Variants in CNTNAP5 observed in about 807,000 individuals in gnomAD.
CNTNAP5 encodes contactin associated protein family member 5, also known as contactin-associated protein-like 5.
Under a neutral mutation model 150.2 loss-of-function variants are expected in CNTNAP5, and 72 were observed. The ratio of observed to expected loss-of-function variants is 0.48; its 90% CI spans 0.40 to 0.58. The LOEUF is 0.58. Among genes scored for constraint, CNTNAP5 ranks in the 20% least tolerant of loss-of-function variants. The pLI is 0.00. For missense variants in CNTNAP5, 1,636 were observed against 1,626.2 expected (o/e 1.01, Z -0.10); for synonymous variants, 672 against 619.8 (o/e 1.08, Z -1.25).
chr2:124,114,869 A>T (rs1683387871), intron 1 of CNTNAP5, among the ~76,000 whole-genome samples: 1 of 151,558 alleles, frequency 6.6e-6, no homozygotes, highest in Middle Eastern at 4.2e-3. Context: ...GATTTTTCAA[A>T]TGCTTTTTCT....
At chr2:124,251,963 G>A (rs909412479) in intron 3 of CNTNAP5, among the ~76,000 whole-genome samples, 1 of 152,180 alleles carries the variant, frequency 6.6e-6, no homozygotes, top group African/African-American at 2.4e-5. Flanking sequence ...TCAGCTGACT[G>A]GGTGTGGCAC....
intron 1 of CNTNAP5, among the ~76,000 whole-genome samples, chr2:124,159,878 G>A (rs918714175): frequency 1.7e-4 from 26 of 152,072 alleles, no homozygotes; most frequent in Non-Finnish European, 1.3e-4. Context: ...TAAAGGACTC[G>A]AGGGATAAAT....
chr2:124,419,513 A>C (rs1692027555), intron 4 of CNTNAP5, among the ~76,000 whole-genome samples: 1 of 152,216 alleles, frequency 6.6e-6, no homozygotes. Flanking sequence ...GAGAAGGTTC[A>C]GAGGTCTGCT....
At chr2:124,585,632 T>G (rs1267658438) in intron 11 of CNTNAP5, among the ~76,000 whole-genome samples, 1 of 151,074 alleles carries the variant, frequency 6.6e-6, no homozygotes, top group Non-Finnish European at 1.5e-5. Context: ...ACAACTTCAT[T>G]CTGGCTTAGG....
intron 1 of CNTNAP5, among the ~76,000 whole-genome samples, chr2:124,204,477 G>T (rs1685812494): frequency 6.6e-6 from 1 of 152,192 alleles, no homozygotes; most frequent in Middle Eastern, 3.4e-3. Flanking sequence ...TCATTCTGGG[G>T]TATCTTTATA....
intron 21 of CNTNAP5, among the ~76,000 whole-genome samples, chr2:124,890,897 G>A (rs902040726): frequency 2.6e-5 from 4 of 152,048 alleles, no homozygotes; most frequent in Admixed American, 2.6e-4. Context: ...AGACATGTTA[G>A]ATCTTAGAAT....
intron 8 of CNTNAP5, among the ~76,000 whole-genome samples, chr2:124,515,242 A>G (rs2089103): frequency 0.98 from 149,339 of 152,330 alleles, 73,278 homozygotes; most frequent in East Asian, 1. Context: ...CCATCAATGA[A>G]CCTTGGAGAG....
chr2:124,046,968 T>A (rs1681555810), intron 1 of CNTNAP5, among the ~76,000 whole-genome samples: 1 of 152,186 alleles, frequency 6.6e-6, no homozygotes, highest in African/African-American at 2.4e-5. Context: ...ATTTCTTTGA[T>A]ACAGAAATCT....
chr2:124,752,249 C>T (rs1463666768), intron 14 of CNTNAP5, among the ~76,000 whole-genome samples: 1 of 152,056 alleles, frequency 6.6e-6, no homozygotes. Flanking sequence ...GAGTAAGCTT[C>T]TCACTTTGTT....
intron 3 of CNTNAP5, among the ~76,000 whole-genome samples, chr2:124,270,406 C>T (rs1471358674): frequency 6.6e-6 from 1 of 152,162 alleles, no homozygotes; most frequent in African/African-American, 2.4e-5. Context: ...GCCATAGGCC[C>T]AGGTCCCAGC....
chr2:124,117,268 CT>C (rs1473712772), intron 1 of CNTNAP5, among the ~76,000 whole-genome samples: 1 of 152,214 alleles, frequency 6.6e-6, no homozygotes, highest in Non-Finnish European at 1.5e-5. Context: ...CCTAATCCCA[CT>C]TTTCCATTTG....
chr2:124,448,243 G>T (rs1392614022), intron 6 of CNTNAP5, among the ~76,000 whole-genome samples: 1 of 149,102 alleles, frequency 6.7e-6, no homozygotes, highest in African/African-American at 2.5e-5. Context: ...ACTCCAGCCC[G>T]GGAGACAGAG....
chr2:124,752,039 G>A (rs550984739), intron 14 of CNTNAP5, among the ~76,000 whole-genome samples: 4 of 152,218 alleles, frequency 2.6e-5, no homozygotes, highest in Admixed American at 2.6e-4. Flanking sequence ...TAATGATTAT[G>A]TCAAAGGAGC....
At chr2:124,785,624 C>A (rs1472584242) in intron 17 of CNTNAP5, among the ~76,000 whole-genome samples, 2 of 152,010 alleles carry the variant, frequency 1.3e-5, no homozygotes, top group Non-Finnish European at 2.9e-5. Flanking sequence ...GGCATGAGAG[C>A]CACAAGTGGT....
intron 19 of CNTNAP5, among the ~76,000 whole-genome samples, chr2:124,845,517 A>T (rs1490899177): frequency 6.7e-6 from 1 of 150,372 alleles, no homozygotes; most frequent in African/African-American, 2.5e-5. Flanking sequence ...TTTAGGAAGG[A>T]TGCCTTCTTT....
chr2:124,869,580 T>C (rs1677701811), intron 20 of CNTNAP5, 95 bp from the exon 21 acceptor site: 1 of 743,954 alleles, frequency 1.3e-6, no homozygotes, highest in Admixed American at 2.1e-5. Context: ...CTGCTATCTG[T>C]ATGCATTTTT....
chr2:124,026,351 G>A (rs981635691), intron 1 of CNTNAP5, among the ~76,000 whole-genome samples: 2 of 152,112 alleles, frequency 1.3e-5, no homozygotes, highest in African/African-American at 4.8e-5. Flanking sequence ...GAGCTTTGAT[G>A]CATACCCCAC....
chr2:124,871,281 C>CTTATTTATTTAT (rs1427017376), intron 21 of CNTNAP5, among the ~76,000 whole-genome samples: 168 of 151,194 alleles, frequency 1.1e-3, no homozygotes, highest in African/African-American at 3.9e-3. Flanking sequence ...TATTTACTTA[C>CTTATTTATTTAT]TTATTTATTT....
chr2:124,249,101 C>A (rs902548741), intron 3 of CNTNAP5, among the ~76,000 whole-genome samples: 1 of 152,096 alleles, frequency 6.6e-6, no homozygotes, highest in African/African-American at 2.4e-5. Flanking sequence ...CAAATTCCTA[C>A]CTAAGGGGTC....
Sources: allele counts gnomAD v4.1 joint callset (sites outside exome capture counted in the v4.1 genomes callset), GRCh38; gene constraint gnomAD v4.1.1; transcripts MANE v1.5; gene names NCBI Gene and HGNC (gene_info 2026-07-23, HGNC 2026-07-21).